The following MXRA8 variants were observed in gnomAD, a reference collection of about 807,000 sequenced individuals.
MXRA8 encodes matrix remodeling associated 8.
MXRA8 carries 44 observed loss-of-function variants against 51.4 expected under a neutral mutation model. The observed-to-expected ratio is 0.86, with a 90% confidence interval of 0.67 to 1.10. The LOEUF (loss-of-function observed/expected upper bound fraction) is 1.10, where lower values mean the gene tolerates loss of function less well. Ranked by LOEUF, MXRA8 falls within the 50% of genes least tolerant of loss-of-function variation. The pLI is 0.00. For missense variants in MXRA8, 765 were observed against 638.9 expected, an observed-to-expected ratio of 1.20 and a Z score of -2.13; for synonymous variants, 369 against 293.5, an observed-to-expected ratio of 1.26 and a Z score of -2.63.
Position 1,353,148 on chromosome 1 carries a change from C to T in MXRA8, c.*456G>A, listed in dbSNP as rs191103566. The T allele has an allele frequency of 5.6e-6, 5 of 899,014 alleles. No individual in the cohort carries two copies. The highest frequency in any genetic ancestry group is 8.8e-6 in the Non-Finnish European group (5 of 565,462). The allele number at this position is 899,014 out of a possible 1,614,324, so 55.7% of individuals were successfully genotyped here. On this transcript the variant is annotated 3_prime_UTR_variant, in exon 10 of 10. Coordinates refer to ENST00000309212, the MANE Select transcript of MXRA8 (RefSeq NM_032348.4). ...CTCCTGCCGAGGCTGACCCCAACTT[C>T]AAGGCTGCCAAGTTCTGATGGGAGT...
intron 1 of MXRA8, 139 bp from the exon 2 acceptor site, chr1:1,356,843 T>A: frequency 1.4e-6 from 1 of 696,636 alleles, no homozygotes; most frequent in Non-Finnish European, 2.1e-6. Context: ...AGGACGCCTC[T>A]CACACAGACC....
upstream of MXRA8, among the ~76,000 whole-genome samples, chr1:1,363,333 C>T (rs1323557725): frequency 6.6e-6 from 1 of 152,124 alleles, no homozygotes; most frequent in Non-Finnish European, 1.5e-5. Context: ...GGCTGAAGGG[C>T]AGTGGTGCAA....
At position 1,357,296 on chromosome 1, in the gene MXRA8, C is replaced by T. The variant is rs565105527; in HGVS notation, c.50-592G>A. On this transcript the variant is annotated intron_variant, in intron 1 of 9. Coordinates refer to ENST00000309212, the MANE Select transcript of MXRA8 (RefSeq NM_032348.4). ...GAATCTAGGCTGGACTTTCTCTGAC[C>T]GGAAGCGGGGCTGCCACCCGGGACA... 3.9e-5 allele frequency among the ~76,000 whole-genome samples: 6 copies of T among 152,288 alleles called. No individual in the cohort carries two copies. In the South Asian group the frequency reaches 6.2e-4, roughly 16 times the overall value.
upstream of MXRA8, chr1:1,358,570 A>G: frequency 6.4e-7 from 1 of 1,562,688 alleles, no homozygotes; most frequent in South Asian, 1.2e-5. Context: ...AAACAGCCCT[A>G]CCCCCTCCCC....
chr1:1,353,027 C>T lies in MXRA8; in HGVS notation c.*577G>A. ...GAGCAAGGGCTGGCATTCAAGTCAG[C>T]AGGTCCCTGGGGAGAACAGATGGTG... On this transcript the variant is annotated 3_prime_UTR_variant, in exon 10 of 10. Transcript: ENST00000309212. The T allele has an allele frequency of 1.8e-6, 1 of 560,266 alleles. No homozygotes were observed. The highest frequency in any genetic ancestry group is 2.3e-5 in the South Asian group (1 of 44,324). The allele number at this position is 560,266 out of a possible 1,614,324, so 34.7% of individuals were successfully genotyped here.
upstream of MXRA8, chr1:1,361,466 G>T (rs1644221508): frequency 1.7e-6 from 1 of 602,628 alleles, no homozygotes; most frequent in Non-Finnish European, 3.0e-6. Flanking sequence ...GAGGGGCGAG[G>T]ACGGACGGAC....
upstream of MXRA8, chr1:1,361,195 G>C: frequency 1.4e-6 from 1 of 703,188 alleles, no homozygotes. Context: ...CACAGAAACA[G>C]AGACACACAC....
rs779344525 is a variant in MXRA8, at chr1:1,354,851, C to T, written c.780G>A (p.Glu260=). ...FERGDFSLRI[E]PLEVADEGTY... ...TGCCCTCGTCGGCGACCTCCAGCGG[C>T]TCGATACGCAGTGAGAAGTCACCGC... The change falls in exon 5 of 10, where the codon GAG becomes GAA. Residue 260 remains glutamate (E), a synonymous_variant. Transcript: ENST00000309212. 6.8e-6 allele frequency: 11 copies of T among 1,612,078 alleles called. No individual in the cohort carries two copies. Among genetic ancestry groups the T allele is most frequent in the Admixed American group, 1.7e-5 (1 of 59,984 alleles).
At chr1:1,358,687 G>A, upstream of MXRA8, 1 of 1,399,442 alleles carries the variant, frequency 7.1e-7, no homozygotes, top group Non-Finnish European at 9.3e-7. Context: ...ATCGTTGCTG[G>A]CCTGCTGGGG....
At position 1,353,531 on chromosome 1, in the gene MXRA8, C is replaced by T. The variant is rs1473896574; in HGVS notation, c.*73G>A. 1.3e-6 allele frequency: 2 copies of T among 1,531,674 alleles called. No homozygotes were observed. Among genetic ancestry groups the T allele is most frequent in the Non-Finnish European group, 1.8e-6 (2 of 1,138,580 alleles). The allele number at this position is 1,531,674 out of a possible 1,614,324, so 94.9% of individuals were successfully genotyped here. A position where few individuals can be genotyped will look rare whatever the true frequency, so the allele number is the denominator to read the frequency against. ...GCTGGAAGGGGGGTGAGCCCCGGAGCATCAGGAGATGCCCCGAGGAGCACA... is the reference window on the plus strand; with the variant it reads ...GCTGGAAGGGGGGTGAGCCCCGGAGTATCAGGAGATGCCCCGAGGAGCACA... On this transcript the variant is annotated 3_prime_UTR_variant, in exon 10 of 10. Coordinates refer to ENST00000309212, the MANE Select transcript of MXRA8 (RefSeq NM_032348.4).
At position 1,354,231 on chromosome 1, in the gene MXRA8, G is replaced by C. The variant is rs377335516; in HGVS notation, c.1107C>G (p.Gly369=). Residue 369 remains glycine, a splice_region_variant and synonymous_variant, in exon 7 of 10, where the codon GGC becomes GGG. Transcript: ENST00000309212. ...VLLAARRRRG[G]YEYSDQKSGK... The stretch of plus-strand genomic sequence containing the variant: ...CCGACTTCTGGTCCGAGTATTCGTA[G>C]CCTGGGAAGGAGACTCACATTGGGG... 6.2e-7 allele frequency: 1 copy of C among 1,612,256 alleles called. No homozygotes were observed.
At position 1,353,416 on chromosome 1, in the gene MXRA8, G is replaced by A. The variant is rs1402641553; in HGVS notation, c.*188C>T. ...CCGTGAGCAAAGGCCGCAGGGGTGG[G>A]GGCTATGCTGCCACCAAGCCCCTGG... On this transcript the variant is annotated 3_prime_UTR_variant, in exon 10 of 10. Coordinates refer to ENST00000309212, the MANE Select transcript of MXRA8 (RefSeq NM_032348.4). 2 of 1,521,088 alleles carry A rather than the reference G, an allele frequency of 1.3e-6. No individual in the cohort carries two copies. The highest frequency in any genetic ancestry group is 1.8e-6 in the Non-Finnish European group (2 of 1,131,088). The allele number at this position is 1,521,088 out of a possible 1,614,324, so 94.2% of individuals were successfully genotyped here.
At chr1:1,361,417 T>G (rs1644220779), upstream of MXRA8, 2 of 665,604 alleles carry the variant, frequency 3.0e-6, no homozygotes, top group Non-Finnish European at 5.5e-6. Context: ...CTGCATGTGG[T>G]GGAGGGAATG....
intron 1 of MXRA8, 149 bp from the exon 2 acceptor site, chr1:1,356,853 C>T: frequency 1.6e-6 from 1 of 613,146 alleles, no homozygotes; most frequent in Middle Eastern, 4.7e-4. Context: ...TCACACAGAC[C>T]TACATAGCCC....
At chr1:1,358,744 G>A (rs2100822435), upstream of MXRA8, 1 of 1,340,732 alleles carries the variant, frequency 7.5e-7, no homozygotes, top group East Asian at 3.0e-5. Flanking sequence ...GGTCAGGCCT[G>A]GGGAGGGGTG....
At chr1:1,362,906 AC>A (rs1644236777), upstream of MXRA8, among the ~76,000 whole-genome samples, 1 of 147,890 alleles carries the variant, frequency 6.8e-6, no homozygotes, top group African/African-American at 2.5e-5. Context: ...ACATGGTGAA[AC>A]CCCGTCTCTA....
upstream of MXRA8, chr1:1,359,090 G>T (rs141483437): frequency 0.027 from 26,282 of 985,444 alleles, 372 homozygotes; most frequent in Non-Finnish European, 0.029. Context: ...TGGGGGCCAC[G>T]GTGGGCTCCC....
chr1:1,355,413 G>T (rs1644104063), intron 3 of MXRA8, 37 bp downstream of exon 3: 1 of 1,492,332 alleles, frequency 6.7e-7, no homozygotes, highest in Non-Finnish European at 8.9e-7. Flanking sequence ...CCGGACCCCT[G>T]CCCCGACCCC....
In MXRA8 at chr1:1,356,846, C is replaced by T. The variant is rs571785866; in HGVS notation, c.50-142G>A. ...TTCAGTGCAGGGAGGACGCCTCTCA[C>T]ACAGACCTACATAGCCCTCCCTGCC... On this transcript the variant is annotated intron_variant, in intron 1 of 9. Transcript: ENST00000309212. 5.3e-4 allele frequency: 349 copies of T among 659,560 alleles called. 3 individuals are homozygous for T. The African/African-American group carries it at 5.4e-3, about 10-fold the overall frequency. The allele number at this position is 659,560 out of a possible 1,614,324, so 40.9% of individuals were successfully genotyped here.
Sources: gnomAD v4.1 joint callset for allele counts (sites outside exome capture counted in the v4.1 genomes callset) on GRCh38, gnomAD v4.1.1 for gene constraint, MANE v1.5 for transcripts, NCBI Gene and HGNC (gene_info 2026-07-23, HGNC 2026-07-21) for gene names.